Variants in DYDC2 observed in about 807,000 individuals in gnomAD.
The protein encoded by DYDC2 is DPY30 domain containing 2, also known as DPY30 domain-containing protein 2.
A neutral mutation model predicts 18.7 loss-of-function variants in DYDC2; 19 were observed. The observed-to-expected ratio is 1.02, with a 90% CI of 0.71 to 1.49. The LOEUF is 1.49. Among genes scored for constraint, DYDC2 ranks in the 40% most tolerant of loss-of-function variants. The pLI, the probability that DYDC2 is intolerant of heterozygous loss-of-function variation, is 0.00. For missense variants in DYDC2, 179 were observed against 205.1 expected (o/e 0.87, Z 0.78); for synonymous variants, 63 against 67.6 (o/e 0.93, Z 0.34).
rs1302777155 is a variant in DYDC2, at chr10:80,349,095, G to A, written c.-310+4280G>A. On this transcript the variant is annotated intron_variant, in intron 1 of 4. Coordinates refer to the DYDC2 transcript ENST00000372197. ...TTTAGTAGAGACGGGGTTTCACCGC[G>A]TTCGCCAGGATGGTCTCGATCTCCT... is the stretch of plus-strand genomic sequence containing the variant. Among the ~76,000 whole-genome samples the A allele has an allele frequency of 5.3e-5, 8 of 152,212 alleles. 1 individual carries two copies. The highest frequency in any genetic ancestry group is 8.8e-5 in the Non-Finnish European group (6 of 68,002).
chr10:80,352,421 T>C (rs756791007), upstream of DYDC2: 33 of 1,526,924 alleles, frequency 2.2e-5, no homozygotes, highest in Non-Finnish European at 8.8e-6. Flanking sequence ...CAGTTTTTTT[T>C]CTTCTAATTT....
rs754655093 is a variant in DYDC2 at position 80,366,784 on chromosome 10, C to T, written c.367C>T (p.Pro123Ser). The T allele has an allele frequency of 1.2e-6, 2 of 1,614,186 alleles. No individual in the cohort carries two copies. The highest frequency in any genetic ancestry group is 1.1e-5 in the South Asian group (1 of 91,072). Residue 123 changes from proline (P) to serine (S), a missense_variant, in exon 5 of 5, where the codon CCA (proline) becomes TCA (serine). Physicochemically the swap from Pro to Ser is moderately conservative, Grantham distance 74. Transcript: ENST00000256039. ...EKEALKQEFLPGTSSLIPGMP... is the reference protein window; with the variant it reads ...EKEALKQEFLSGTSSLIPGMP... ...GGAGGCCTTGAAGCAGGAATTCCTG[C>T]CAGGTACTTCCAGTCTGATTCCAGG...
chr10:80,361,130 T>C (rs972545999), intron 2 of DYDC2, among the ~76,000 whole-genome samples: 5 of 152,170 alleles, frequency 3.3e-5, no homozygotes, highest in Non-Finnish European at 5.9e-5. Context: ...GTAGTTATTA[T>C]GGCTGTTCAA....
chr10:80,359,672 A>G (rs1178058599), intron 2 of DYDC2, among the ~76,000 whole-genome samples: 1 of 152,146 alleles, frequency 6.6e-6, no homozygotes, highest in East Asian at 1.9e-4. Flanking sequence ...GAATTCGAGC[A>G]AAGTGCTGGC....
At chr10:80,360,391 C>T (rs1843627806) in intron 2 of DYDC2, among the ~76,000 whole-genome samples, 1 of 152,210 alleles carries the variant, frequency 6.6e-6, no homozygotes, top group Non-Finnish European at 1.5e-5. Context: ...TCTCCCTTGG[C>T]TCTGTCATCA....
At chr10:80,351,934 CT>C (rs749378309), upstream of DYDC2, 3 of 1,614,206 alleles carry the variant, frequency 1.9e-6, no homozygotes, top group Admixed American at 5.0e-5. Context: ...CTTTGAGCCT[CT>C]CCATCATTTC....
At chr10:80,356,341 G>A (rs1018262458), upstream of DYDC2, 30 of 985,834 alleles carry the variant, frequency 3.0e-5, no homozygotes, top group Non-Finnish European at 3.4e-5. Flanking sequence ...GAGATGGAAG[G>A]AGATTCCTTA....
rs746576773 is a variant in DYDC2, at chr10:80,366,688, G to A, written c.271G>A (p.Glu91Lys). ...IQQNCEKCHK[E>K]LTSETVSTKK... Reference sequence around the variant, plus strand: ...TTCGGCTTTTTTGTTTTCTATTTAGGAACTGACTTCTGAAACTGTTTCCAC... The same window carrying A: ...TTCGGCTTTTTTGTTTTCTATTTAGAAACTGACTTCTGAAACTGTTTCCAC... The change falls in exon 5 of 5, where the codon GAA becomes AAA. Residue 91 changes from glutamate (E) to lysine (K), a missense_variant and splice_region_variant. Transcript: ENST00000256039. 5.0e-6 allele frequency: 8 copies of A among 1,595,886 alleles called. No individual in the cohort carries two copies. The highest frequency in any genetic ancestry group is 6.8e-6 in the Non-Finnish European group (8 of 1,171,884).
Position 80,362,495 on chromosome 10 carries a change from C to A in DYDC2, c.52C>A (p.Leu18Met). The change falls in exon 3 of 5, where the codon CTG becomes ATG. Residue 18 changes from leucine to methionine, a missense_variant. Transcript: ENST00000256039. ...CTTTGGAAATTGCCTGGCCCAGGCA[C>A]TGGCAGAGGTGGCGAAGGTTCGGCC... ...RCFGNCLAQA[L>M]AEVAKVRPSD... 1 of 1,614,114 alleles carries A rather than the reference C, an allele frequency of 6.2e-7. No homozygotes were observed. The highest frequency in any genetic ancestry group is 1.1e-5 in the South Asian group (1 of 91,072).
intron 1 of DYDC2, 103 bp downstream of exon 1, chr10:80,356,928 G>A (rs924916264): frequency 5.7e-6 from 5 of 880,276 alleles, no homozygotes; most frequent in Non-Finnish European, 6.8e-6. Flanking sequence ...GGGCGCGGCA[G>A]AGTAGAGGGG....
chr10:80,362,377 A>T (rs1843688503), intron 2 of DYDC2, 58 bp from the exon 3 acceptor site: 1 of 1,562,746 alleles, frequency 6.4e-7, no homozygotes, highest in Non-Finnish European at 8.7e-7. Context: ...GAATGTGTCT[A>T]TTTTTAATAT....
At chr10:80,346,907 T>C (rs1296949077) in intron 1 of DYDC2, among the ~76,000 whole-genome samples, 1 of 151,312 alleles carries the variant, frequency 6.6e-6, no homozygotes. Flanking sequence ...AAACCCCGTC[T>C]CTACTAAAAA....
intron 1 of DYDC2, among the ~76,000 whole-genome samples, chr10:80,345,325 G>A (rs57342950): frequency 0.17 from 26,236 of 152,070 alleles, 2,562 homozygotes; most frequent in South Asian, 0.44. Context: ...TTTTTATTGT[G>A]TAAATTGAAG....
Position 80,347,022 on chromosome 10 carries a change from G to C in DYDC2, c.-310+2207G>C, listed in dbSNP as rs189575430. ...TTGAACCCAGGGAGCAGAGGTTGGAGTGAGCTAAGATCACGCCACTTCACT... is the reference window on the plus strand; with the variant it reads ...TTGAACCCAGGGAGCAGAGGTTGGACTGAGCTAAGATCACGCCACTTCACT... On this transcript the variant is annotated intron_variant, in intron 1 of 4. Coordinates refer to the DYDC2 transcript ENST00000372197. 1.2e-3 allele frequency among the ~76,000 whole-genome samples: 182 copies of C among 152,082 alleles called. 1 individual carries two copies. Among genetic ancestry groups the C allele is most frequent in the African/African-American group, 4.0e-3 (166 of 41,498 alleles).
chr10:80,356,834 A>T lies in DYDC2; in HGVS notation c.-163+9A>T, dbSNP rs558376559. 1 of 984,752 alleles carries T rather than the reference A, an allele frequency of 1.0e-6. No homozygotes were observed. The highest frequency in any genetic ancestry group is 1.1e-4 in the East Asian group (1 of 8,740). The allele number at this position is 984,752 out of a possible 1,614,324, so 61.0% of individuals were successfully genotyped here. On this transcript the variant is annotated intron_variant, in intron 1 of 4. Coordinates refer to ENST00000256039, the MANE Select transcript of DYDC2 (RefSeq NM_032372.6). ...AAGGGGCGCGCGGATAGGTGAGCAG[A>T]GGGCACGCGGTGGGCAGCGAAGGGG...
intron 2 of DYDC2, among the ~76,000 whole-genome samples, chr10:80,361,912 T>A (rs916771488): frequency 6.6e-6 from 1 of 152,248 alleles, no homozygotes; most frequent in Non-Finnish European, 1.5e-5. Context: ...TGATTCCTCT[T>A]AAGTGATGAA....
chr10:80,366,721 A>T lies in DYDC2; in HGVS notation c.304A>T (p.Thr102Ser). ...TTCTGAAACTGTTTCCACGAAGAAGACCATATTCATGCAGGAGGACACAAA... is the reference window on the plus strand; with the variant it reads ...TTCTGAAACTGTTTCCACGAAGAAGTCCATATTCATGCAGGAGGACACAAA... ...LTSETVSTKK[T>S]IFMQEDTNPL... Residue 102 changes from threonine to serine, a missense_variant, in exon 5 of 5, where the codon ACC becomes TCC. Coordinates refer to ENST00000256039, the MANE Select transcript of DYDC2 (RefSeq NM_032372.6). 1 of 1,611,852 alleles carries T rather than the reference A, an allele frequency of 6.2e-7. No individual in the cohort carries two copies. The highest frequency in any genetic ancestry group is 8.5e-7 in the Non-Finnish European group (1 of 1,179,084).
chr10:80,361,323 T>C (rs1438731711), intron 2 of DYDC2, among the ~76,000 whole-genome samples: 1 of 152,230 alleles, frequency 6.6e-6, no homozygotes, highest in African/African-American at 2.4e-5. Flanking sequence ...AGGAGGCAGT[T>C]GATGTCACTT....
chr10:80,365,612 T>C (rs1051486099), intron 4 of DYDC2, among the ~76,000 whole-genome samples: 6 of 152,184 alleles, frequency 3.9e-5, no homozygotes, highest in Non-Finnish European at 7.3e-5. Context: ...CAGGCAAAGA[T>C]TGAAGTGGAG....
Sources: allele counts gnomAD v4.1 joint callset (sites outside exome capture counted in the v4.1 genomes callset), GRCh38; gene constraint gnomAD v4.1.1; transcripts MANE v1.5; gene names NCBI Gene and HGNC (gene_info 2026-07-23, HGNC 2026-07-21).